Variants in PLEKHA7 observed in about 807,000 individuals in gnomAD.
The protein encoded by PLEKHA7 is pleckstrin homology domain containing A7.
In PLEKHA7, 104 loss-of-function variants were observed where a neutral mutation model predicts 170.0. The observed-to-expected ratio is 0.61, with a 90% confidence interval of 0.52 to 0.72. The LOEUF (loss-of-function observed/expected upper bound fraction) is 0.72, where lower values mean the gene tolerates loss of function less well. PLEKHA7 is among the 30% of genes least tolerant of loss of function. The probability of loss-of-function intolerance (pLI) is 0.00; values close to 1 mark genes in which losing one functional copy is unlikely to be tolerated. For missense variants in PLEKHA7, 1,615 were observed against 1,671.7 expected (o/e 0.97, Z 0.59); for synonymous variants, 648 against 660.8 (o/e 0.98, Z 0.30).
intron 13 of PLEKHA7, among the ~76,000 whole-genome samples, chr11:16,807,627 T>A (rs1040915955): frequency 2.6e-5 from 4 of 152,160 alleles, no homozygotes; most frequent in African/African-American, 7.2e-5. Flanking sequence ...GATACTAGTT[T>A]AGAGTCGTGC....
intron 3 of PLEKHA7, among the ~76,000 whole-genome samples, chr11:16,938,094 C>G (rs1860433402): frequency 6.6e-6 from 1 of 152,138 alleles, no homozygotes; most frequent in South Asian, 2.1e-4. Flanking sequence ...TTCCCTAGTC[C>G]TGATTTCAAA....
intron 3 of PLEKHA7, among the ~76,000 whole-genome samples, chr11:16,930,011 AT>A (rs1469700294): frequency 2.0e-5 from 3 of 151,562 alleles, no homozygotes; most frequent in Non-Finnish European, 2.9e-5. Context: ...TCAAAAAAAA[AT>A]AAAAATAAAA....
At chr11:16,915,111 C>T (rs892015713) in intron 3 of PLEKHA7, among the ~76,000 whole-genome samples, 2 of 152,180 alleles carry the variant, frequency 1.3e-5, no homozygotes, top group Non-Finnish European at 2.9e-5. Flanking sequence ...AATTCCCCAA[C>T]CCACCTCAAT....
chr11:16,817,060 T>G lies in PLEKHA7; in HGVS notation c.1606A>C (p.Ser536Arg), dbSNP rs372950638. ...WQQRQQFRHG[S>R]PTAPICLGSP... Reference sequence around the variant, plus strand: ...CCAAGGCAGATGGGCGCTGTGGGGCTGCCGTGCCGGAACTGCTGGCGCTGC... The same window carrying G: ...CCAAGGCAGATGGGCGCTGTGGGGCGGCCGTGCCGGAACTGCTGGCGCTGC... The change falls in exon 11 of 27, where the codon AGC becomes CGC. Residue 536 changes from serine to arginine, a missense_variant. Physicochemically the swap from Ser to Arg is moderately radical, Grantham distance 110 (BLOSUM62 -1). Coordinates refer to ENST00000531066, the MANE Select transcript of PLEKHA7 (RefSeq NM_001329630.2). This position sits in a 1 kb window ranked among gnomAD's most constrained non-coding sequence, Gnocchi z 4.4. The G allele has an allele frequency of 4.3e-6, 7 of 1,611,016 alleles. No homozygotes were observed. The African/African-American group carries it at 9.3e-5, about 22-fold the overall frequency.
chr11:16,853,191 AT>A (rs1003738817), intron 6 of PLEKHA7, among the ~76,000 whole-genome samples: 14 of 151,678 alleles, frequency 9.2e-5, no homozygotes, highest in African/African-American at 2.7e-4. Context: ...ACAAAAAAAA[AT>A]TTTTTTTTCA....
intron 3 of PLEKHA7, among the ~76,000 whole-genome samples, chr11:16,944,543 TAAAAA>T (rs34484852): frequency 7.2e-6 from 1 of 138,954 alleles, no homozygotes; most frequent in South Asian, 2.3e-4. Flanking sequence ...TTCTTCTCCT[TAAAAA>T]AAAAAAAAAA....
At chr11:16,940,684 C>G (rs949472099) in intron 3 of PLEKHA7, among the ~76,000 whole-genome samples, 1 of 152,014 alleles carries the variant, frequency 6.6e-6, no homozygotes, top group Non-Finnish European at 1.5e-5. Flanking sequence ...CTGACATAAC[C>G]AGTAAGTGTT....
intron 9 of PLEKHA7, among the ~76,000 whole-genome samples, chr11:16,840,356 T>A: frequency 6.6e-6 from 1 of 150,516 alleles, no homozygotes. Context: ...AAGTCAGGAG[T>A]TCAAGACCAG....
intron 25 of PLEKHA7, 110 bp downstream of exon 25, chr11:16,783,590 G>T (rs1011400442): frequency 1.6e-6 from 2 of 1,221,276 alleles, no homozygotes; most frequent in East Asian, 6.3e-5. Flanking sequence ...TACCTGAGAC[G>T]AAGACCTGGC....
intron 10 of PLEKHA7, among the ~76,000 whole-genome samples, chr11:16,819,785 A>G (rs1249173829): frequency 6.6e-6 from 1 of 152,232 alleles, no homozygotes; most frequent in African/African-American, 2.4e-5. Flanking sequence ...GGTAGTTACC[A>G]GAGGTTTTGG....
chr11:16,933,711 A>G (rs1229783221), intron 3 of PLEKHA7, among the ~76,000 whole-genome samples: 2 of 152,196 alleles, frequency 1.3e-5, no homozygotes, highest in Admixed American at 1.3e-4. Flanking sequence ...AAAAGTCACA[A>G]AGCCAGTGAG....
At chr11:16,945,383 T>C (rs537067840) in intron 3 of PLEKHA7, among the ~76,000 whole-genome samples, 8 of 152,368 alleles carry the variant, frequency 5.3e-5, no homozygotes, top group South Asian at 4.1e-4. Flanking sequence ...GTGTTTACTG[T>C]GTTGGCCTAC....
intron 3 of PLEKHA7, among the ~76,000 whole-genome samples, chr11:16,931,254 A>G (rs373290740): frequency 1.3e-5 from 2 of 152,314 alleles, no homozygotes; most frequent in African/African-American, 4.8e-5. Flanking sequence ...ATTGAATGCC[A>G]AAAGTCTAGA....
At chr11:16,793,833 G>A (rs1287699097) in intron 19 of PLEKHA7, among the ~76,000 whole-genome samples, 2 of 152,230 alleles carry the variant, frequency 1.3e-5, no homozygotes, top group Admixed American at 1.3e-4. Flanking sequence ...ACCGGATCTG[G>A]GACTGAAAGC....
At chr11:16,938,787 AT>A (rs761361094) in intron 3 of PLEKHA7, among the ~76,000 whole-genome samples, 4 of 152,362 alleles carry the variant, frequency 2.6e-5, no homozygotes, top group Admixed American at 1.3e-4. Flanking sequence ...GGAATAAAAC[AT>A]CCATTTCTTG....
rs1484891090 is a variant in PLEKHA7, at chr11:16,789,198, C to T, written c.3255G>A (p.Lys1085=). ...EQLERMKRHQ[K]ALVRERKRTL... ...TCCTCTTGCGCTCTCGGACCAGGGCCTTCTGGTGTCGCTTCATGCGCTCCA... is the reference window on the plus strand; with the variant it reads ...TCCTCTTGCGCTCTCGGACCAGGGCTTTCTGGTGTCGCTTCATGCGCTCCA... Residue 1085 remains lysine (K), a synonymous_variant, in exon 23 of 27, where the codon AAG becomes AAA. Transcript: ENST00000531066. The surrounding 1 kb of genome is among the most constrained non-coding windows in gnomAD (Gnocchi z 4.6). 4 of 1,613,306 alleles carry T rather than the reference C, an allele frequency of 2.5e-6. No individual in the cohort carries two copies. Among genetic ancestry groups the T allele is most frequent in the Admixed American group, 1.7e-5 (1 of 60,014 alleles).
intron 3 of PLEKHA7, among the ~76,000 whole-genome samples, chr11:16,897,422 C>T (rs1857064208): frequency 6.6e-6 from 1 of 152,140 alleles, no homozygotes; most frequent in South Asian, 2.1e-4. Context: ...GTGCAGAAAC[C>T]CCAAAGCCAG....
chr11:16,915,346 G>C (rs1858561674), intron 3 of PLEKHA7, among the ~76,000 whole-genome samples: 1 of 152,148 alleles, frequency 6.6e-6, no homozygotes, highest in Non-Finnish European at 1.5e-5. Context: ...ATCTGGCCAA[G>C]TGGACTTTTT....
chr11:16,998,474 G>T (rs1012418593), intron 3 of PLEKHA7, among the ~76,000 whole-genome samples: 1 of 152,188 alleles, frequency 6.6e-6, no homozygotes, highest in African/African-American at 2.4e-5. Context: ...TTGGAGTAAA[G>T]AGTGTACTTG....
Sources: allele counts gnomAD v4.1 joint callset (sites outside exome capture counted in the v4.1 genomes callset), GRCh38; gene constraint gnomAD v4.1.1; non-coding constraint Gnocchi (gnomAD v3.1); transcripts MANE v1.5; gene names NCBI Gene and HGNC (gene_info 2026-07-23, HGNC 2026-07-21).